Variants in MBNL1 observed in about 807,000 individuals in gnomAD.
MBNL1 encodes muscleblind-like protein 1.
In MBNL1, 8 loss-of-function variants were observed where a neutral mutation model predicts 42.2. The ratio of observed to expected loss-of-function variants is 0.19; its 90% CI spans 0.11 to 0.34. MBNL1 has a LOEUF of 0.34. Ranked by LOEUF, MBNL1 falls within the 10% of genes least tolerant of loss-of-function variation. MBNL1 has a pLI of 1.00. For missense variants in MBNL1, 309 were observed against 495.3 expected (o/e 0.62, Z 3.57); for synonymous variants, 169 against 173.9 (o/e 0.97, Z 0.22).
rs542063744 is a variant in MBNL1, at chr3:152,340,167, C to A, written c.174+39800C>A. 9.3e-4 allele frequency: 169 copies of A among 181,850 alleles called. 1 individual carries two copies. The highest frequency in any genetic ancestry group is 1.8e-3 in the Admixed American group (30 of 16,806). 11.3% of individuals were successfully genotyped at this position (181,850 alleles called of 1,614,324 possible). ...AAGATAAAGAAACGAACAACAACAA[C>A]AGTAAAAAACTGGGCATGGTAGCAG... On this transcript the variant is annotated intron_variant, in intron 2 of 9. Coordinates refer to ENST00000324210, the MANE Select transcript of MBNL1 (RefSeq NM_021038.5).
intron 2 of MBNL1, among the ~76,000 whole-genome samples, chr3:152,346,917 G>A (rs1284697815): frequency 1.3e-5 from 2 of 149,770 alleles, no homozygotes; most frequent in Non-Finnish European, 3.0e-5. Context: ...GGTGACTCAC[G>A]CTTGTAATTC....
intron 5 of MBNL1, among the ~76,000 whole-genome samples, chr3:152,446,000 T>C (rs2099219013): frequency 6.6e-6 from 1 of 152,190 alleles, no homozygotes; most frequent in South Asian, 2.1e-4. Context: ...AAATTGTTCT[T>C]AGAATTAGCT....
At chr3:152,306,259 C>T (rs546976973) in intron 2 of MBNL1, among the ~76,000 whole-genome samples, 1 of 152,326 alleles carries the variant, frequency 6.6e-6, no homozygotes, top group African/African-American at 2.4e-5. Flanking sequence ...AGAGACACCT[C>T]CCCTACCCTC....
chr3:152,403,239 C>A (rs2098305606), intron 2 of MBNL1, among the ~76,000 whole-genome samples: 1 of 151,952 alleles, frequency 6.6e-6, no homozygotes, highest in Admixed American at 6.5e-5. Flanking sequence ...GCTGACGCTC[C>A]TGTGAGGCCC....
chr3:152,416,959 A>G (rs926924430), intron 3 of MBNL1, among the ~76,000 whole-genome samples: 1 of 152,174 alleles, frequency 6.6e-6, no homozygotes, highest in Non-Finnish European at 1.5e-5. Context: ...TTCAGGCTTT[A>G]TGTTAATTTT....
At chr3:152,422,192 C>T (rs192604408) in intron 3 of MBNL1, among the ~76,000 whole-genome samples, 61 of 147,050 alleles carry the variant, frequency 4.1e-4, no homozygotes, top group South Asian at 1.9e-3. Flanking sequence ...ACCCATCCTA[C>T]GTGCAAAGAC....
intron 6 of MBNL1, among the ~76,000 whole-genome samples, chr3:152,452,990 T>A (rs1022014300): frequency 6.6e-6 from 1 of 152,020 alleles, no homozygotes; most frequent in Non-Finnish European, 1.5e-5. Flanking sequence ...AAAAGATTTG[T>A]CACATTTAGT....
chr3:152,355,266 T>C (rs3920075), intron 2 of MBNL1, among the ~76,000 whole-genome samples: 40,251 of 152,098 alleles, frequency 0.26, 5,433 homozygotes, highest in Admixed American at 0.31. Context: ...GCAATTGATA[T>C]TATCTATCTT....
chr3:152,356,782 T>C (rs2153065811), intron 2 of MBNL1, among the ~76,000 whole-genome samples: 1 of 152,198 alleles, frequency 6.6e-6, no homozygotes, highest in South Asian at 2.1e-4. Flanking sequence ...GGCCCTGCTT[T>C]TTCTTTTTTA....
At chr3:152,406,961 C>A (rs765861677) in intron 2 of MBNL1, among the ~76,000 whole-genome samples, 4 of 151,830 alleles carry the variant, frequency 2.6e-5, no homozygotes, top group Non-Finnish European at 5.9e-5. Flanking sequence ...GGTAAAGTTA[C>A]AAATTTGAAC....
chr3:152,249,074 A>G (rs1484365259), intron 2 of MBNL1, among the ~76,000 whole-genome samples: 1 of 149,120 alleles, frequency 6.7e-6, no homozygotes, highest in Non-Finnish European at 1.5e-5. Flanking sequence ...GCCACAATAA[A>G]CATACGTGTG....
At chr3:152,253,971 G>GT (rs747548598) in intron 2 of MBNL1, among the ~76,000 whole-genome samples, 7 of 152,012 alleles carry the variant, frequency 4.6e-5, no homozygotes, top group African/African-American at 7.3e-5. Flanking sequence ...TCACTAGACT[G>GT]TAAGTTCCAT....
intron 2 of MBNL1, chr3:152,338,224 T>C: frequency 1.0e-6 from 1 of 985,422 alleles, no homozygotes; most frequent in African/African-American, 1.7e-5. Flanking sequence ...CTTCTTGTGT[T>C]CTGGCGGGAA....
intron 2 of MBNL1, among the ~76,000 whole-genome samples, chr3:152,401,522 C>G (rs2098217118): frequency 6.6e-6 from 1 of 152,138 alleles, no homozygotes; most frequent in Non-Finnish European, 1.5e-5. Flanking sequence ...GTCACAGCTA[C>G]TCTAGGAGCT....
At chr3:152,327,330 C>T (rs1482814678) in intron 2 of MBNL1, among the ~76,000 whole-genome samples, 1 of 151,634 alleles carries the variant, frequency 6.6e-6, no homozygotes, top group Non-Finnish European at 1.5e-5. Context: ...GATATGAGCC[C>T]TGCTTTTTTC....
At chr3:152,442,181 T>C (rs1177719881) in intron 4 of MBNL1, among the ~76,000 whole-genome samples, 3 of 152,176 alleles carry the variant, frequency 2.0e-5, no homozygotes, top group Non-Finnish European at 4.4e-5. Context: ...AAAATGCCTA[T>C]AGTCATGGAT....
intron 3 of MBNL1, among the ~76,000 whole-genome samples, chr3:152,429,580 C>G (rs1316974825): frequency 2.0e-5 from 3 of 152,162 alleles, no homozygotes; most frequent in Non-Finnish European, 4.4e-5. Context: ...CTTTGAGATT[C>G]TGCTGAACCC....
chr3:152,245,294 A>G (rs1300084966), intron 2 of MBNL1, among the ~76,000 whole-genome samples: 1 of 152,170 alleles, frequency 6.6e-6, no homozygotes, highest in African/African-American at 2.4e-5. Flanking sequence ...GCAATTTTTA[A>G]ATCTTCCTTT....
intron 2 of MBNL1, among the ~76,000 whole-genome samples, chr3:152,355,389 G>C (rs562211890): frequency 1.3e-5 from 2 of 152,252 alleles, no homozygotes; most frequent in South Asian, 4.2e-4. Context: ...TATGTAATTA[G>C]ACATACATAA....
Sources: allele counts gnomAD v4.1 joint callset (sites outside exome capture counted in the v4.1 genomes callset), GRCh38; gene constraint gnomAD v4.1.1; transcripts MANE v1.5; gene names NCBI Gene and HGNC (gene_info 2026-07-23, HGNC 2026-07-21).